The following ARID4B variants were observed in gnomAD, a reference collection of about 807,000 sequenced individuals.
ARID4B encodes the protein AT-rich interaction domain 4B, also known as AT-rich interactive domain-containing protein 4B.
A neutral mutation model predicts 147.5 loss-of-function variants in ARID4B; 26 were observed. That is an observed-to-expected ratio of 0.18 (90% CI 0.13 to 0.24). The LOEUF is 0.24. Ranked by LOEUF, ARID4B falls within the 10% of genes least tolerant of loss-of-function variation. The probability of loss-of-function intolerance (pLI) is 1.00; values close to 1 mark genes in which losing one functional copy is unlikely to be tolerated. For synonymous variants in ARID4B, 512 were observed against 507.9 expected (o/e 1.01, Z -0.11); for missense variants, 1,179 against 1,511.5 (o/e 0.78, Z 3.65).
chr1:235,205,381 A>T (rs1266082640), intron 17 of ARID4B, among the ~76,000 whole-genome samples: 2 of 152,210 alleles, frequency 1.3e-5, no homozygotes, highest in Non-Finnish European at 2.9e-5. Flanking sequence ...AATTCATTCC[A>T]GTCTCTCAGT....
Position 235,214,741 on chromosome 1 carries a change from T to C in ARID4B, c.1584-715A>G, listed in dbSNP as rs184855215. 1.2e-3 allele frequency among the ~76,000 whole-genome samples: 173 copies of C among 148,630 alleles called. 2 individuals are homozygous for C. Among genetic ancestry groups the C allele is most frequent in the African/African-American group, 3.9e-3 (160 of 41,394 alleles). On this transcript the variant is annotated intron_variant, in intron 16 of 23. Transcript: ENST00000264183. ...ATTTATTAACATCTTCTACAAATCT[T>C]CTCAACTTTGATGTTCCAAAGAAAT...
intron 4 of ARID4B, among the ~76,000 whole-genome samples, chr1:235,256,951 T>C (rs1670023914): frequency 1.3e-5 from 2 of 152,150 alleles, no homozygotes; most frequent in South Asian, 2.1e-4. Flanking sequence ...TCATAACTTA[T>C]TGCAACCTTG....
chr1:235,267,107 G>T (rs770010467), intron 2 of ARID4B, among the ~76,000 whole-genome samples: 2 of 152,244 alleles, frequency 1.3e-5, no homozygotes, highest in South Asian at 4.1e-4. Flanking sequence ...GTGAAACCCC[G>T]TCTCTACCAG....
chr1:235,222,919 G>A lies in ARID4B; in HGVS notation c.1065+247C>T, dbSNP rs557144871. ...GCTGTTCTTGAACTCCTGGCCTAAA[G>A]TGATCTACCCGCCTCAGCCTCCCAA... is the stretch of plus-strand genomic sequence containing the variant. On this transcript the variant is annotated intron_variant, in intron 13 of 23. Transcript: ENST00000264183. 1.1e-4 allele frequency among the ~76,000 whole-genome samples: 17 copies of A among 152,130 alleles called. No homozygotes were observed. The East Asian group carries it at 2.9e-3, about 26-fold the overall frequency.
chr1:235,321,045 GT>G (rs1205657428), intron 2 of ARID4B, among the ~76,000 whole-genome samples: 1 of 152,124 alleles, frequency 6.6e-6, no homozygotes, highest in Admixed American at 6.5e-5. Flanking sequence ...AAGAACTCTT[GT>G]TCTATTCACT....
chr1:235,321,194 A>G (rs998309481), intron 2 of ARID4B, among the ~76,000 whole-genome samples: 1 of 152,216 alleles, frequency 6.6e-6, no homozygotes, highest in African/African-American at 2.4e-5. Flanking sequence ...TTTAATTACA[A>G]TAAACAAAGA....
chr1:235,220,729 A>T (rs1667406886), intron 14 of ARID4B, among the ~76,000 whole-genome samples, 184 bp from the exon 15 acceptor site: 2 of 152,180 alleles, frequency 1.3e-5, no homozygotes, highest in Admixed American at 6.5e-5. Context: ...CAAAAAATTC[A>T]TTTAAAACAC....
At chr1:235,321,086 C>T (rs1298118112) in intron 2 of ARID4B, among the ~76,000 whole-genome samples, 2 of 152,112 alleles carry the variant, frequency 1.3e-5, no homozygotes, top group African/African-American at 2.4e-5. Context: ...GAACAATGTC[C>T]GGTACAAGGA....
intron 17 of ARID4B, among the ~76,000 whole-genome samples, chr1:235,209,169 A>G (rs1277403617): frequency 6.6e-6 from 1 of 152,230 alleles, no homozygotes. Context: ...GACATACATG[A>G]AAATTATATT....
At chr1:235,238,153 A>AAAAAAAGAAAAG (rs61179792) in intron 8 of ARID4B, among the ~76,000 whole-genome samples, 1 of 141,764 alleles carries the variant, frequency 7.1e-6, no homozygotes, top group African/African-American at 2.8e-5. Flanking sequence ...CAAAAAAAAA[A>AAAAAAAGAAAAG]AAAAGAAAAG....
rs531177757 is a variant in ARID4B at position 235,171,571 on chromosome 1, A to C, written c.3811+1047T>G. ...CCAGTAGAGAGGCTCTATTTAGCAA[A>C]ATCATTCATTATAAAGAATTTGTGG... On this transcript the variant is annotated intron_variant, in intron 23 of 23. Coordinates refer to ENST00000264183, the MANE Select transcript of ARID4B (RefSeq NM_016374.6). 2.5e-4 allele frequency among the ~76,000 whole-genome samples: 38 copies of C among 152,330 alleles called. No homozygotes were observed. The South Asian group carries it at 7.9e-3, about 32-fold the overall frequency.
chr1:235,206,536 G>C (rs1327581691), intron 17 of ARID4B, among the ~76,000 whole-genome samples: 1 of 152,136 alleles, frequency 6.6e-6, no homozygotes, highest in African/African-American at 2.4e-5. Context: ...AACACATAAA[G>C]ATGAGGAAGA....
chr1:235,194,000 T>C lies in ARID4B; in HGVS notation c.2125+13A>G, dbSNP rs775025766. ...ATCAAATACTTGCACAACAGAACGA[T>C]TGTTATGTTTACCTTGAAGTCCATT... is the stretch of plus-strand genomic sequence containing the variant. On this transcript the variant is annotated intron_variant, in intron 19 of 23. Coordinates refer to ENST00000264183, the MANE Select transcript of ARID4B (RefSeq NM_016374.6). The C allele has an allele frequency of 1.1e-4, 78 of 683,034 alleles. 2 individuals carry two copies. The South Asian group carries it at 1.5e-3, about 13-fold the overall frequency. 42.3% of individuals were successfully genotyped at this position (683,034 alleles called of 1,614,324 possible).
At chr1:235,187,077 C>CTTTTTTT in intron 19 of ARID4B, 1 of 266,882 alleles carries the variant, frequency 3.7e-6, no homozygotes, top group Non-Finnish European at 6.8e-6. Context: ...GCATCTTATT[C>CTTTTTTT]TTTTTTTTTT....
At chr1:235,259,045 CT>C (rs1670147672) in intron 3 of ARID4B, among the ~76,000 whole-genome samples, 1 of 152,102 alleles carries the variant, frequency 6.6e-6, no homozygotes, top group South Asian at 2.1e-4. Flanking sequence ...TTTCTTTTTC[CT>C]TGTGTATGTG....
chr1:235,234,233 CT>C (rs1558230683), intron 9 of ARID4B, among the ~76,000 whole-genome samples, 179 bp downstream of exon 9: 1 of 152,132 alleles, frequency 6.6e-6, no homozygotes, highest in East Asian at 1.9e-4. Context: ...GAAAAACATA[CT>C]ATAAGACTAC....
rs1663082706 is a variant in ARID4B, at chr1:235,168,266, T to G, written c.*259A>C. 2 of 370,034 alleles carry G rather than the reference T, an allele frequency of 5.4e-6. No homozygotes were observed. The highest frequency in any genetic ancestry group is 7.8e-5 in the South Asian group (2 of 25,722). 22.9% of individuals were successfully genotyped at this position (370,034 alleles called of 1,614,324 possible). ...TCTACAGGCAGTGAAAAGCCTCCAT[T>G]TGCCACAGTGGAAGGCCTTCCAGTT... On this transcript the variant is annotated 3_prime_UTR_variant, in exon 24 of 24. Transcript: ENST00000264183.
chr1:235,326,896 T>C lies in ARID4B; in HGVS notation c.6+18A>G. 6.2e-7 allele frequency: 1 copy of C among 1,613,936 alleles called. No individual in the cohort carries two copies. Among genetic ancestry groups the C allele is most frequent in the Non-Finnish European group, 8.5e-7 (1 of 1,179,840 alleles). On this transcript the variant is annotated intron_variant, in intron 2 of 23. Coordinates refer to ENST00000264183, the MANE Select transcript of ARID4B (RefSeq NM_016374.6). Reference sequence around the variant, plus strand: ...AATTCGATAACCCCAGAGATTCGTTTTCCGCAGGCAATCTTACCTTCATGA... The same window carrying C: ...AATTCGATAACCCCAGAGATTCGTTCTCCGCAGGCAATCTTACCTTCATGA...
Position 235,230,455 on chromosome 1 carries a change from A to C in ARID4B, c.742+658T>G, listed in dbSNP as rs1019226118. 5.3e-5 allele frequency among the ~76,000 whole-genome samples: 8 copies of C among 151,546 alleles called. No homozygotes were observed. In the South Asian group the frequency reaches 6.3e-4, roughly 12 times the overall value. The stretch of plus-strand genomic sequence containing the variant: ...ACAAAACAAAACAAAAAAAACAACA[A>C]CACAAAGTTACTTTGATTCCTTTCT... On this transcript the variant is annotated intron_variant, in intron 10 of 23. Coordinates refer to ENST00000264183, the MANE Select transcript of ARID4B (RefSeq NM_016374.6).
Sources: allele counts gnomAD v4.1 joint callset (sites outside exome capture counted in the v4.1 genomes callset), GRCh38; gene constraint gnomAD v4.1.1; transcripts MANE v1.5; gene names NCBI Gene and HGNC (gene_info 2026-07-23, HGNC 2026-07-21).